The following OCA2 variants were observed in gnomAD, a reference collection of about 807,000 sequenced individuals.
The protein encoded by OCA2 is P protein.
A neutral mutation model predicts 100.2 loss-of-function variants in OCA2; 77 were observed. The observed-to-expected ratio is 0.77, with a 90% confidence interval of 0.64 to 0.93. OCA2 has a LOEUF of 0.93. Among genes scored for constraint, OCA2 ranks in the 40% least tolerant of loss-of-function variants. The probability of loss-of-function intolerance (pLI) is 0.00; values close to 1 mark genes in which losing one functional copy is unlikely to be tolerated. For synonymous variants in OCA2, 432 were observed against 439.2 expected, an observed-to-expected ratio of 0.98 and a Z score of 0.21; for missense variants, 1,062 against 1,089.1, an observed-to-expected ratio of 0.98 and a Z score of 0.35.
chr15:28,076,302 G>C (rs2044423906), intron 2 of OCA2, among the ~76,000 whole-genome samples: 1 of 152,170 alleles, frequency 6.6e-6, no homozygotes, highest in South Asian at 2.1e-4. Context: ...ACCAATCCAT[G>C]ACAGATGTAA....
chr15:27,788,923 T>C (rs2032949149), intron 23 of OCA2, among the ~76,000 whole-genome samples: 3 of 152,104 alleles, frequency 2.0e-5, no homozygotes, highest in Admixed American at 2.0e-4. Context: ...ACATCCTATT[T>C]ATCACAATCT....
intron 9 of OCA2, among the ~76,000 whole-genome samples, chr15:28,012,617 C>G (rs1246085297): frequency 6.6e-6 from 1 of 152,090 alleles, no homozygotes; most frequent in Non-Finnish European, 1.5e-5. Context: ...CTTTTAAAAT[C>G]TAGAAATGGC....
the OCA2 span, among the ~76,000 whole-genome samples, chr15:27,723,249 T>A: frequency 6.6e-6 from 1 of 151,944 alleles, no homozygotes; most frequent in African/African-American, 2.4e-5. Flanking sequence ...GAGCAGGAAC[T>A]TTTTTTTCCC....
intron 11 of OCA2, among the ~76,000 whole-genome samples, chr15:27,986,985 G>C (rs1287009010): frequency 6.6e-6 from 1 of 152,184 alleles, no homozygotes; most frequent in East Asian, 1.9e-4. Context: ...TGCGAGGTGG[G>C]TTGCTCACAG....
intron 23 of OCA2, among the ~76,000 whole-genome samples, chr15:27,759,214 C>T (rs2030633517): frequency 6.6e-6 from 1 of 151,842 alleles, no homozygotes; most frequent in South Asian, 2.1e-4. Context: ...CAAAAATATC[C>T]TTCAGGAATA....
At chr15:27,912,186 G>A (rs1458503929) in intron 19 of OCA2, among the ~76,000 whole-genome samples, 1 of 152,160 alleles carries the variant, frequency 6.6e-6, no homozygotes, top group Non-Finnish European at 1.5e-5. Flanking sequence ...TGGATGTGTG[G>A]ATATGGGTGT....
intron 14 of OCA2, among the ~76,000 whole-genome samples, chr15:27,982,601 T>C (rs1241452167): frequency 6.6e-6 from 1 of 152,152 alleles, no homozygotes; most frequent in Non-Finnish European, 1.5e-5. Context: ...AGCCATGGAT[T>C]CTCAAATGTT....
At chr15:28,075,315 C>T (rs906857434) in intron 2 of OCA2, among the ~76,000 whole-genome samples, 23 of 152,054 alleles carry the variant, frequency 1.5e-4, no homozygotes, top group African/African-American at 4.3e-4. Context: ...GAATCACAAA[C>T]CCCATAATAG....
intron 23 of OCA2, among the ~76,000 whole-genome samples, chr15:27,768,194 G>C (rs981169556): frequency 6.6e-6 from 1 of 152,228 alleles, no homozygotes; most frequent in African/African-American, 2.4e-5. Flanking sequence ...GAGCTCCACC[G>C]CCCTACAGGG....
chr15:27,739,897 A>G, the OCA2 span, among the ~76,000 whole-genome samples: 192 of 152,324 alleles, frequency 1.3e-3, no homozygotes, highest in African/African-American at 4.5e-3. Context: ...AAGAGTTGGC[A>G]AATGTCTCAG....
chr15:28,077,109 C>T (rs368406255), intron 2 of OCA2, among the ~76,000 whole-genome samples: 6 of 149,366 alleles, frequency 4.0e-5, no homozygotes, highest in African/African-American at 7.4e-5. Context: ...GCCCAGGCTG[C>T]GGTGCAATGG....
chr15:28,080,043 C>G (rs1381827187), intron 2 of OCA2, among the ~76,000 whole-genome samples: 1 of 152,222 alleles, frequency 6.6e-6, no homozygotes, highest in Non-Finnish European at 1.5e-5. Context: ...TTTCCCAATT[C>G]TTGTCTCACT....
chr15:27,873,450 T>C (rs925472389), intron 19 of OCA2, among the ~76,000 whole-genome samples: 2 of 152,210 alleles, frequency 1.3e-5, no homozygotes, highest in African/African-American at 4.8e-5. Context: ...CACTTTAAAA[T>C]TGAAAAAATA....
At chr15:27,754,598 C>G (rs1471044055), downstream of OCA2, among the ~76,000 whole-genome samples, 1 of 152,200 alleles carries the variant, frequency 6.6e-6, no homozygotes, top group Non-Finnish European at 1.5e-5. Context: ...AAAAGAACTG[C>G]ATTTAATAAA....
intron 16 of OCA2, among the ~76,000 whole-genome samples, 184 bp from the exon 17 acceptor site, chr15:27,955,399 T>C (rs1341778468): frequency 6.6e-6 from 1 of 152,074 alleles, no homozygotes; most frequent in African/African-American, 2.4e-5. Context: ...CACTCTCTAT[T>C]TTCCCAAAAA....
chr15:27,771,178 T>G (rs1393487575), intron 23 of OCA2, among the ~76,000 whole-genome samples: 3 of 148,700 alleles, frequency 2.0e-5, no homozygotes, highest in African/African-American at 7.4e-5. Flanking sequence ...GGCCTCCTCC[T>G]AGAACGCCTC....
At chr15:27,933,067 G>A (rs2140429734) in intron 18 of OCA2, among the ~76,000 whole-genome samples, 1 of 152,248 alleles carries the variant, frequency 6.6e-6, no homozygotes, top group Middle Eastern at 3.4e-3. Flanking sequence ...AGAATGCCAA[G>A]ACTACTCAAT....
chr15:28,057,021 G>C (rs1253374398), intron 2 of OCA2, among the ~76,000 whole-genome samples: 1 of 152,210 alleles, frequency 6.6e-6, no homozygotes, highest in East Asian at 1.9e-4. Flanking sequence ...TCTAGAAAGG[G>C]AGGGCCCATA....
the OCA2 span, among the ~76,000 whole-genome samples, chr15:27,722,778 CTT>C: frequency 2.0e-4 from 10 of 49,190 alleles, no homozygotes; most frequent in South Asian, 3.8e-3. Flanking sequence ...TCTTTTCTTT[CTT>C]TCTCTCTCTC....
Sources: allele counts gnomAD v4.1 joint callset (sites outside exome capture counted in the v4.1 genomes callset), GRCh38; gene constraint gnomAD v4.1.1; transcripts MANE v1.5; gene names NCBI Gene and HGNC (gene_info 2026-07-23, HGNC 2026-07-21).